The following NLRC5 variants were observed in gnomAD, a reference collection of about 807,000 sequenced individuals.
The protein encoded by NLRC5 is protein NLRC5.
In NLRC5, 114 loss-of-function variants were observed where a neutral mutation model predicts 206.9. The ratio of observed to expected loss-of-function variants is 0.55; its 90% CI spans 0.47 to 0.64. The LOEUF (loss-of-function observed/expected upper bound fraction) is 0.64, where lower values mean the gene tolerates loss of function less well. Among genes scored for constraint, NLRC5 ranks in the 30% least tolerant of loss-of-function variants. The pLI is 0.00. For synonymous variants in NLRC5, 952 were observed against 962.8 expected (o/e 0.99, Z 0.21); for missense variants, 2,008 against 2,305.5 (o/e 0.87, Z 2.64).
At chr16:56,994,835 T>C (rs773871794) in intron 1 of NLRC5, among the ~76,000 whole-genome samples, 1 of 152,198 alleles carries the variant, frequency 6.6e-6, no homozygotes, top group South Asian at 2.1e-4. Flanking sequence ...CAGATGCTCA[T>C]TGTGAATGAC....
At chr16:57,062,287 G>A in intron 32 of NLRC5, 1 of 401,486 alleles carries the variant, frequency 2.5e-6, no homozygotes, top group African/African-American at 2.1e-5. Context: ...AAGAAACTCA[G>A]TTAGCGATTC....
intron 40 of NLRC5, among the ~76,000 whole-genome samples, 191 bp from the exon 41 acceptor site, chr16:57,077,105 A>G (rs2068496707): frequency 6.6e-6 from 1 of 152,230 alleles, no homozygotes; most frequent in African/African-American, 2.4e-5. Flanking sequence ...AGAGGGATTT[A>G]GGTCAGACAA....
In NLRC5 at chr16:57,079,517, TCCCATCCCATGCCCTTC is replaced by T; in HGVS notation, c.5238-28_5238-12del. 1.9e-6 allele frequency: 3 copies of T among 1,591,310 alleles called. No homozygotes were observed. Among genetic ancestry groups the T allele is most frequent in the Non-Finnish European group, 2.6e-6 (3 of 1,159,466 alleles). On this transcript the variant is annotated splice_polypyrimidine_tract_variant and intron_variant, in intron 45 of 48. Transcript: ENST00000688547. ...GATCCCCTGACTCAAACAACCCCCA[TCCCATCCCATGCCCTTC>T]TCCATCCCCAGCCTGGTTTCCTGTA...
Position 57,079,186 on chromosome 16 carries a change from G to A in NLRC5, c.5166-35G>A, listed in dbSNP as rs773764728. ...CGGGGACAGTCCTGGGCGGGTCTGG[G>A]GGTTCCTCTCACAGGTATCTCCCCT... On this transcript the variant is annotated intron_variant, in intron 44 of 48. Transcript: ENST00000688547. 3.1e-6 allele frequency: 5 copies of A among 1,613,996 alleles called. No homozygotes were observed. The South Asian group carries it at 4.4e-5, about 14-fold the overall frequency.
intron 5 of NLRC5, among the ~76,000 whole-genome samples, chr16:57,024,865 C>T (rs1488615565): frequency 1.3e-5 from 2 of 152,088 alleles, no homozygotes; most frequent in African/African-American, 2.4e-5. Flanking sequence ...CAAAAATTAG[C>T]TGGGTGTGGT....
intron 1 of NLRC5, among the ~76,000 whole-genome samples, chr16:57,000,588 T>A (rs548073134): frequency 6.6e-6 from 1 of 152,244 alleles, no homozygotes; most frequent in South Asian, 2.1e-4. Flanking sequence ...GCTGGTGACC[T>A]AGGCAGGTCC....
chr16:57,054,841 G>C lies in NLRC5; in HGVS notation c.3596+1G>C. The stretch of plus-strand genomic sequence containing the variant: ...CACGGGTTAAAAAGGTGGATCTCAG[G>C]TGGGCATTCCCCTGGGACAGCCAGG... On this transcript the variant is annotated splice_donor_variant, in intron 25 of 48. Transcript: ENST00000688547. LOFTEE classifies it high-confidence loss of function. 1 of 1,614,094 alleles carries C rather than the reference G, an allele frequency of 6.2e-7. No homozygotes were observed. The highest frequency in any genetic ancestry group is 8.5e-7 in the Non-Finnish European group (1 of 1,179,920).
intron 1 of NLRC5, chr16:56,992,402 T>C (rs918652773): frequency 1.3e-5 from 2 of 152,206 alleles, no homozygotes; most frequent in Non-Finnish European, 2.9e-5. Flanking sequence ...TGTAAAAACT[T>C]TGGAGGCAAT....
At chr16:57,018,925 A>G (rs1301773515) in intron 2 of NLRC5, among the ~76,000 whole-genome samples, 1 of 152,222 alleles carries the variant, frequency 6.6e-6, no homozygotes, top group Non-Finnish European at 1.5e-5. Context: ...ATAATTATAA[A>G]TAATCTTGCA....
At chr16:57,006,674 C>T (rs1221593396) in intron 1 of NLRC5, among the ~76,000 whole-genome samples, 4 of 151,712 alleles carry the variant, frequency 2.6e-5, no homozygotes, top group African/African-American at 7.3e-5. Flanking sequence ...AGCAAGGCCA[C>T]GTTAAATATC....
At position 57,025,881 on chromosome 16, in the gene NLRC5, T is replaced by A; in HGVS notation, c.938T>A (p.Leu313His). The A allele has an allele frequency of 6.2e-7, 1 of 1,614,226 alleles. No homozygotes were observed. Among genetic ancestry groups the A allele is most frequent in the Non-Finnish European group, 8.5e-7 (1 of 1,180,046 alleles). ...ATCTTTGATGGGCTAGATGAGGCCCTCCAGCCTATGGGTCCTGATGGCCCA... is the reference window on the plus strand; with the variant it reads ...ATCTTTGATGGGCTAGATGAGGCCCACCAGCCTATGGGTCCTGATGGCCCA... ...LLIFDGLDEALQPMGPDGPGP... is the reference protein window; with the variant it reads ...LLIFDGLDEAHQPMGPDGPGP... Residue 313 changes from leucine to histidine, a missense_variant, in exon 6 of 49, where the codon CTC (leucine) becomes CAC (histidine). By Grantham distance (99) the Leu-to-His change is moderately conservative. Transcript: ENST00000688547.
intron 2 of NLRC5, among the ~76,000 whole-genome samples, chr16:57,017,660 CCTGGAGTAGAAAAAAAGAAAAAGTA>C (rs2060230393): frequency 6.6e-6 from 1 of 152,106 alleles, no homozygotes; most frequent in African/African-American, 2.4e-5. Flanking sequence ...ATTTCTGGTC[CCTGGAGTAGAAAAAAAGAAAAAGTA>C]CTGTCAATTA....
chr16:57,025,220 C>A, intron 5 of NLRC5, 148 bp from the exon 6 acceptor site: 3 of 1,365,412 alleles, frequency 2.2e-6, no homozygotes, highest in African/African-American at 1.4e-5. Context: ...CACAGATCCC[C>A]CTATGGTGCT....
intron 43 of NLRC5, among the ~76,000 whole-genome samples, chr16:57,078,466 G>GTTT (rs71383218): frequency 2.2e-4 from 20 of 92,200 alleles, no homozygotes; most frequent in African/African-American, 5.0e-4. Context: ...CTGGGACCTT[G>GTTT]TTTTTTTTTT....
Position 57,026,668 on chromosome 16 carries a change from C to T in NLRC5, c.1725C>T (p.Pro575=). The T allele has an allele frequency of 6.2e-7, 1 of 1,614,154 alleles. No individual in the cohort carries two copies. Among genetic ancestry groups the T allele is most frequent in the Non-Finnish European group, 8.5e-7 (1 of 1,180,004 alleles). ...LAGLASCTCR[P]FLSHLAQGNE... ...GCCTGGCATCCTGCACCTGCCGCCC[C>T]TTCCTTAGCCACCTGGCGCAGGGCA... Residue 575 remains proline (P), a synonymous_variant, in exon 6 of 49, where the codon CCC becomes CCT. Coordinates refer to ENST00000688547, the MANE Select transcript of NLRC5 (RefSeq NM_001384950.1).
chr16:57,074,744 A>C lies in NLRC5; in HGVS notation c.4751+61A>C, dbSNP rs567171503. 2,062 of 1,525,108 alleles carry C rather than the reference A, an allele frequency of 1.4e-3. 2 individuals carry two copies. The highest frequency in any genetic ancestry group is 1.7e-3 in the Non-Finnish European group (1,893 of 1,101,868). 94.5% of individuals were successfully genotyped at this position (1,525,108 alleles called of 1,614,324 possible). ...AAGAAACACTTCCCACTCAGTTGGG[A>C]CCACATCCAGGGAAGCACTGAGGCC... On this transcript the variant is annotated intron_variant, in intron 39 of 48. Transcript: ENST00000688547.
rs1271832961 is a variant in NLRC5, at chr16:57,079,209, C to G, written c.5166-12C>G. Reference sequence around the variant, plus strand: ...GGGGGTTCCTCTCACAGGTATCTCCCCTACCCTGCAGCTTGGCGGAAAACA... The same window carrying G: ...GGGGGTTCCTCTCACAGGTATCTCCGCTACCCTGCAGCTTGGCGGAAAACA... On this transcript the variant is annotated splice_polypyrimidine_tract_variant and intron_variant, in intron 44 of 48. Transcript: ENST00000688547. The G allele has an allele frequency of 6.2e-7, 1 of 1,613,916 alleles. No individual in the cohort carries two copies. The highest frequency in any genetic ancestry group is 8.5e-7 in the Non-Finnish European group (1 of 1,180,038).
At chr16:56,994,044 G>A (rs74613568) in intron 1 of NLRC5, among the ~76,000 whole-genome samples, 7,604 of 151,778 alleles carry the variant, frequency 0.05, 247 homozygotes, top group South Asian at 0.11. Flanking sequence ...AAGGAAATAC[G>A]TTTGGGAAAA....
At chr16:57,042,558 A>G (rs1471363170) in intron 19 of NLRC5, among the ~76,000 whole-genome samples, 1 of 152,134 alleles carries the variant, frequency 6.6e-6, no homozygotes, top group Non-Finnish European at 1.5e-5. Flanking sequence ...CCTGCAATGG[A>G]CCAGAGTTCT....
Sources: gnomAD v4.1 joint callset for allele counts (sites outside exome capture counted in the v4.1 genomes callset) on GRCh38, gnomAD v4.1.1 for gene constraint, MANE v1.5 for transcripts, NCBI Gene and HGNC (gene_info 2026-07-23, HGNC 2026-07-21) for gene names.